ABCA12: variants seen among roughly 807,000 people sequenced by gnomAD.
The protein encoded by ABCA12 is ATP binding cassette subfamily A member 12, also known as glucosylceramide transporter ABCA12.
In ABCA12, 156 loss-of-function variants were observed where a neutral mutation model predicts 293.5. The observed-to-expected ratio is 0.53, with a 90% confidence interval of 0.47 to 0.61. The LOEUF (loss-of-function observed/expected upper bound fraction) is 0.61, where lower values mean the gene tolerates loss of function less well. Among genes scored for constraint, ABCA12 ranks in the 20% least tolerant of loss-of-function variants. The probability of loss-of-function intolerance (pLI) is 0.00; values close to 1 mark genes in which losing one functional copy is unlikely to be tolerated. For synonymous variants in ABCA12, 1,063 were observed against 1,108.0 expected, an observed-to-expected ratio of 0.96 and a Z score of 0.81; for missense variants, 2,797 against 3,090.2, an observed-to-expected ratio of 0.91 and a Z score of 2.25.
At chr2:214,940,375 A>T (rs185553018) in intron 50 of ABCA12, among the ~76,000 whole-genome samples, 1 of 152,198 alleles carries the variant, frequency 6.6e-6, no homozygotes, top group Non-Finnish European at 1.5e-5. Flanking sequence ...CCAGTATTTT[A>T]CTGAGGATTT....
intron 2 of ABCA12, chr2:215,075,392 A>G: frequency 1.8e-6 from 1 of 546,702 alleles, no homozygotes; most frequent in Non-Finnish European, 3.2e-6. Flanking sequence ...CTAACTTATG[A>G]GTTATTGCCC....
intron 2 of ABCA12, among the ~76,000 whole-genome samples, chr2:215,086,693 A>C (rs548498466): frequency 1.3e-5 from 2 of 152,240 alleles, no homozygotes; most frequent in African/African-American, 2.4e-5. Context: ...TGTGCCTCTA[A>C]AACATTTTTC....
chr2:215,045,282 C>T (rs747604866), intron 7 of ABCA12, among the ~76,000 whole-genome samples: 2 of 152,120 alleles, frequency 1.3e-5, no homozygotes, highest in Non-Finnish European at 2.9e-5. Flanking sequence ...GTTTCTCCTG[C>T]AAAGGTTTTA....
intron 2 of ABCA12, among the ~76,000 whole-genome samples, chr2:215,092,199 G>A (rs1702161923): frequency 6.6e-6 from 1 of 152,078 alleles, no homozygotes; most frequent in Non-Finnish European, 1.5e-5. Context: ...TTCTTTTCAA[G>A]GGCCTGTTTC....
intron 31 of ABCA12, 132 bp from the exon 32 acceptor site, chr2:214,979,172 T>C (rs992073711): frequency 7.4e-6 from 6 of 812,290 alleles, no homozygotes; most frequent in Non-Finnish European, 1.3e-5. Flanking sequence ...ACATCACTGC[T>C]CTAGAGACCC....
rs545737845 is a variant in ABCA12, at chr2:215,133,036, G to A, written c.69+5104C>T. On this transcript the variant is annotated intron_variant, in intron 1 of 52. Coordinates refer to ENST00000272895, the MANE Select transcript of ABCA12 (RefSeq NM_173076.3). ...CTGGCATTTTTTCTTCTTTAAGGAG[G>A]CTAAAAATAGATCCTCATCTTTTCC... 1.3e-4 allele frequency among the ~76,000 whole-genome samples: 20 copies of A among 151,794 alleles called. No individual in the cohort carries two copies. In the South Asian group the frequency reaches 3.9e-3, roughly 30 times the overall value.
chr2:215,037,948 T>C (rs1418062340), intron 7 of ABCA12, among the ~76,000 whole-genome samples: 1 of 152,180 alleles, frequency 6.6e-6, no homozygotes, highest in African/African-American at 2.4e-5. Flanking sequence ...AATTAGCTAA[T>C]AGTAATTTTT....
In ABCA12 at chr2:215,018,051, A is replaced by AT; in HGVS notation, c.1738dup (p.Ile580AsnfsTer2). ...GATGGGAATGGCCAGCAACTTGTCA[A>AT]TAGTCCTGTTGGACATTCCTGTTGT... On this transcript the variant is annotated frameshift_variant, in exon 14 of 53. Coordinates refer to ENST00000272895, the MANE Select transcript of ABCA12 (RefSeq NM_173076.3). LOFTEE classifies it high-confidence loss of function. 1 of 1,614,190 alleles carries AT rather than the reference A, an allele frequency of 6.2e-7. No individual in the cohort carries two copies. Among genetic ancestry groups the AT allele is most frequent in the Non-Finnish European group, 8.5e-7 (1 of 1,180,030 alleles).
Position 214,937,690 on chromosome 2 carries a change from A to G in ABCA12, c.7437-75T>C, listed in dbSNP as rs920740793. 3 of 1,059,134 alleles carry G rather than the reference A, an allele frequency of 2.8e-6. No homozygotes were observed. In the African/African-American group the frequency reaches 4.7e-5, roughly 17 times the overall value. 65.6% of individuals were successfully genotyped at this position (1,059,134 alleles called of 1,614,324 possible). ...AGCTCCTCTGGAATTCTAGATAATG[A>G]AACAGGACCCAAGCCAACCATTATA... On this transcript the variant is annotated intron_variant, in intron 50 of 52. Transcript: ENST00000272895.
intron 18 of ABCA12, among the ~76,000 whole-genome samples, chr2:215,009,437 C>T (rs1355688446): frequency 1.3e-5 from 2 of 150,986 alleles, no homozygotes; most frequent in Non-Finnish European, 2.9e-5. Flanking sequence ...CAAACCTGCA[C>T]TTGTAACCCT....
intron 28 of ABCA12, 72 bp from the exon 29 acceptor site, chr2:214,983,937 C>T: frequency 7.4e-7 from 1 of 1,360,162 alleles, no homozygotes; most frequent in Non-Finnish European, 1.0e-6. Context: ...AACTATATCT[C>T]AGTTGTTAGA....
chr2:214,933,946 A>G, intron 52 of ABCA12, 132 bp downstream of exon 52: 2 of 937,716 alleles, frequency 2.1e-6, no homozygotes, highest in East Asian at 2.7e-5. Context: ...GCTCTTTGCT[A>G]AGTTTTTCAG....
At chr2:215,091,401 A>C (rs1197159895) in intron 2 of ABCA12, among the ~76,000 whole-genome samples, 1 of 152,138 alleles carries the variant, frequency 6.6e-6, no homozygotes, top group East Asian at 1.9e-4. Context: ...AGGTGGCTGG[A>C]GCTGTAGGCG....
rs554823333 is a variant in ABCA12, at chr2:214,994,758, A to T, written c.3294+2937T>A. On this transcript the variant is annotated intron_variant, in intron 23 of 52. Transcript: ENST00000272895. ...ATGTATGTCAGGAAAGCACAAAAAA[A>T]TTGTTTAATGTGAAGTACTAGGAGA... is the stretch of plus-strand genomic sequence containing the variant. 3.9e-5 allele frequency among the ~76,000 whole-genome samples: 6 copies of T among 152,322 alleles called. No individual in the cohort carries two copies. In the East Asian group the frequency reaches 9.6e-4, roughly 24 times the overall value.
intron 13 of ABCA12, 52 bp from the exon 14 acceptor site, chr2:215,018,184 T>C (rs1700548447): frequency 1.3e-6 from 2 of 1,584,554 alleles, no homozygotes; most frequent in Non-Finnish European, 1.7e-6. Flanking sequence ...GTCAGGTCAC[T>C]CTTTTTAGTA....
At chr2:214,976,920 GATAAA>G in intron 33 of ABCA12, among the ~76,000 whole-genome samples, 1 of 152,254 alleles carries the variant, frequency 6.6e-6, no homozygotes, top group Middle Eastern at 3.4e-3. Flanking sequence ...CTTCATAGGT[GATAAA>G]ATGATGGTAT....
Position 215,010,392 on chromosome 2 carries a change from A to G in ABCA12, c.2411T>C (p.Met804Thr), listed in dbSNP as rs1371386586. The change falls in exon 18 of 53, where the codon ATG becomes ACG. Residue 804 changes from methionine to threonine, a missense_variant. Coordinates refer to ENST00000272895, the MANE Select transcript of ABCA12 (RefSeq NM_173076.3). ...GPVIWAFLKPMLLGRILYAPY... is the reference protein window; with the variant it reads ...GPVIWAFLKPTLLGRILYAPY... Reference sequence around the variant, plus strand: ...TGCATACAAAATTCTTCCCAACAACATAGGTTTCAAGAAAGCCCAAATCAC... The same window carrying G: ...TGCATACAAAATTCTTCCCAACAACGTAGGTTTCAAGAAAGCCCAAATCAC... 5 of 1,613,904 alleles carry G rather than the reference A, an allele frequency of 3.1e-6. No individual in the cohort carries two copies. Among genetic ancestry groups the G allele is most frequent in the East Asian group, 2.2e-5 (1 of 44,870 alleles).
chr2:214,965,236 A>G (rs900000987), intron 39 of ABCA12, among the ~76,000 whole-genome samples: 6 of 152,244 alleles, frequency 3.9e-5, no homozygotes, highest in African/African-American at 7.2e-5. Flanking sequence ...CTCGAGATGG[A>G]TTAAAGCCTT....
intron 27 of ABCA12, 126 bp from the exon 28 acceptor site, chr2:214,986,854 A>T: frequency 1.1e-6 from 1 of 896,374 alleles, no homozygotes; most frequent in Non-Finnish European, 1.7e-6. Flanking sequence ...TAAAAAATCC[A>T]GAAACAAATG....
Sources: gnomAD v4.1 joint callset for allele counts (sites outside exome capture counted in the v4.1 genomes callset) on GRCh38, gnomAD v4.1.1 for gene constraint, MANE v1.5 for transcripts, NCBI Gene and HGNC (gene_info 2026-07-23, HGNC 2026-07-21) for gene names.